The following EIF3E variants were observed in gnomAD, a reference collection of about 807,000 sequenced individuals.
EIF3E encodes the protein eukaryotic translation initiation factor 3 subunit E.
In EIF3E, 25 loss-of-function variants were observed where a neutral mutation model predicts 59.3. The observed-to-expected ratio is 0.42, with a 90% CI of 0.31 to 0.59. EIF3E has a LOEUF of 0.59. Among genes scored for constraint, EIF3E ranks in the 20% least tolerant of loss-of-function variants. The pLI is 0.15. For missense variants in EIF3E, 317 were observed against 534.3 expected, an observed-to-expected ratio of 0.59 and a Z score of 4.01; for synonymous variants, 176 against 170.2, an observed-to-expected ratio of 1.03 and a Z score of -0.26.
intron 9 of EIF3E, 144 bp from the exon 10 acceptor site, chr8:108,214,860 C>CT: frequency 1.5e-6 from 1 of 663,140 alleles, no homozygotes. Flanking sequence ...GTGTTCAAAT[C>CT]TTTAATGATT....
At chr8:108,207,264 A>G (rs1304617273) in intron 10 of EIF3E, among the ~76,000 whole-genome samples, 2 of 152,136 alleles carry the variant, frequency 1.3e-5, no homozygotes, top group South Asian at 4.1e-4. Context: ...TGAGCCCAGG[A>G]ATTTCAGACC....
chr8:108,242,552 A>G (rs1815857949), intron 1 of EIF3E: 6 of 1,166,256 alleles, frequency 5.1e-6, no homozygotes, highest in Middle Eastern at 3.3e-4. Flanking sequence ...AGATTTCTGT[A>G]CTGAACTTAA....
In EIF3E at chr8:108,241,798, C is replaced by A. The variant is rs747215494; in HGVS notation, c.205+1G>T. 5.2e-6 allele frequency: 8 copies of A among 1,541,988 alleles called. No individual in the cohort carries two copies. The highest frequency in any genetic ancestry group is 5.2e-6 in the Non-Finnish European group (6 of 1,144,080). On this transcript the variant is annotated splice_donor_variant, in intron 2 of 12. Coordinates refer to ENST00000220849, the MANE Select transcript of EIF3E (RefSeq NM_001568.3). LOFTEE classifies it high-confidence loss of function. ...GTTTCAGTTCTAATGACAAAACTTA[C>A]CATGAGGAATATCATCAGAATAAAG...
intron 10 of EIF3E, among the ~76,000 whole-genome samples, chr8:108,205,399 T>G (rs1815081187): frequency 6.6e-6 from 1 of 152,186 alleles, no homozygotes. Flanking sequence ...GCTCCATTAC[T>G]ATTTCTTAGT....
intron 10 of EIF3E, among the ~76,000 whole-genome samples, chr8:108,210,947 T>C (rs1815197022): frequency 6.6e-6 from 1 of 152,216 alleles, no homozygotes; most frequent in Non-Finnish European, 1.5e-5. Flanking sequence ...TATGGCTGCA[T>C]AGTATTCCAT....
At chr8:108,222,487 T>C (rs559142970) in intron 7 of EIF3E, among the ~76,000 whole-genome samples, 1 of 152,314 alleles carries the variant, frequency 6.6e-6, no homozygotes, top group East Asian at 1.9e-4. Flanking sequence ...TATTTTGTTA[T>C]CTCAATTCAC....
In EIF3E at chr8:108,247,283, G is replaced by A. The variant is rs184788397; in HGVS notation, c.90+1330C>T. ...CACAAAAATATATAAAGTTCAGCTA[G>A]TTCAGAAGTACTTCTACAAGCAGCT... On this transcript the variant is annotated intron_variant, in intron 1 of 12. Transcript: ENST00000220849. Among the ~76,000 whole-genome samples the A allele has an allele frequency of 5.2e-4, 79 of 152,184 alleles. 2 individuals are homozygous for A. The highest frequency in any genetic ancestry group is 4.9e-3 in the Admixed American group (75 of 15,286).
At chr8:108,216,814 G>A (rs1190910337) in intron 8 of EIF3E, among the ~76,000 whole-genome samples, 4 of 152,036 alleles carry the variant, frequency 2.6e-5, no homozygotes, top group African/African-American at 9.7e-5. Flanking sequence ...CCAATCATAA[G>A]GGTATTCATT....
chr8:108,228,215 T>A, intron 7 of EIF3E, 52 bp downstream of exon 7: 1 of 1,482,598 alleles, frequency 6.7e-7, no homozygotes, highest in Non-Finnish European at 9.0e-7. Context: ...TTTAAACAAC[T>A]CCATGTAATT....
At chr8:108,233,598 T>C (rs1432276545) in intron 5 of EIF3E, 7 of 325,262 alleles carry the variant, frequency 2.2e-5, no homozygotes, top group Non-Finnish European at 3.8e-5. Context: ...TCCCAAAGCA[T>C]TGAAAGGCTG....
At chr8:108,216,371 T>G (rs1288016791) in intron 9 of EIF3E, 41 bp downstream of exon 9, 3 of 1,462,586 alleles carry the variant, frequency 2.1e-6, no homozygotes, top group Admixed American at 4.1e-5. Context: ...ATCCAAAAAT[T>G]TAAGAATAGT....
chr8:108,233,489 TG>T (rs1349208198), intron 5 of EIF3E: 4 of 154,342 alleles, frequency 2.6e-5, no homozygotes, highest in African/African-American at 7.2e-5. Context: ...CTTCCAAGGT[TG>T]GAAGACAAAA....
Position 108,240,174 on chromosome 8 carries a change from T to C in EIF3E, c.206-99A>G. 3.2e-6 allele frequency: 3 copies of C among 932,258 alleles called. No homozygotes were observed. In the South Asian group the frequency reaches 3.9e-5, roughly 12 times the overall value. The allele number at this position is 932,258 out of a possible 1,614,324, so 57.7% of individuals were successfully genotyped here. On this transcript the variant is annotated intron_variant, in intron 2 of 12. Coordinates refer to ENST00000220849, the MANE Select transcript of EIF3E (RefSeq NM_001568.3). Reference sequence around the variant, plus strand: ...GAAATTTTTCAGTGTATTTAAACTATACATATATTTATTTACCCCCAATAT... The same window carrying C: ...GAAATTTTTCAGTGTATTTAAACTACACATATATTTATTTACCCCCAATAT...
At chr8:108,232,142 T>TA in intron 5 of EIF3E, among the ~76,000 whole-genome samples, 1 of 152,248 alleles carries the variant, frequency 6.6e-6, no homozygotes, top group South Asian at 2.1e-4. Flanking sequence ...TAACAAAACT[T>TA]CAAACAAATA....
At chr8:108,242,375 C>A (rs1420328736) in intron 1 of EIF3E, 1 of 1,289,426 alleles carries the variant, frequency 7.8e-7, no homozygotes, top group Non-Finnish European at 1.0e-6. Flanking sequence ...TCAACCATGT[C>A]AGATCAGGCT....
intron 6 of EIF3E, 66 bp downstream of exon 6, chr8:108,229,004 C>T: frequency 7.1e-7 from 1 of 1,410,030 alleles, no homozygotes. Flanking sequence ...TAGTGATTTT[C>T]CTCATCAGAA....
chr8:108,207,502 A>T (rs114753390), intron 10 of EIF3E, among the ~76,000 whole-genome samples: 384 of 152,288 alleles, frequency 2.5e-3, no homozygotes, highest in African/African-American at 8.8e-3. Context: ...TGTTACTGAA[A>T]ATAATTCAAT....
At chr8:108,243,360 T>C (rs1815878595) in intron 1 of EIF3E, 1 of 152,508 alleles carries the variant, frequency 6.6e-6, no homozygotes, top group Non-Finnish European at 1.5e-5. Context: ...CCAGGCGCAG[T>C]GGCTCACGCC....
At chr8:108,218,782 CT>C (rs35642365) in intron 7 of EIF3E, among the ~76,000 whole-genome samples, 43,001 of 109,912 alleles carry the variant, frequency 0.39, 5,040 homozygotes, top group Middle Eastern at 0.54. Flanking sequence ...TATTTTATTT[CT>C]TTTTTTTTTT....
Sources: gnomAD v4.1 joint callset for allele counts (sites outside exome capture counted in the v4.1 genomes callset) on GRCh38, gnomAD v4.1.1 for gene constraint, MANE v1.5 for transcripts, NCBI Gene and HGNC (gene_info 2026-07-23, HGNC 2026-07-21) for gene names.